Variants in RUBCNL observed in about 807,000 individuals in gnomAD.
RUBCNL encodes protein associated with UVRAG as autophagy enhancer.
RUBCNL carries 62 observed loss-of-function variants against 69.5 expected under a neutral mutation model. That is an observed-to-expected ratio of 0.89 (90% CI 0.73 to 1.10). The LOEUF is 1.10. Among genes scored for constraint, RUBCNL ranks in the 50% least tolerant of loss-of-function variants. The probability of loss-of-function intolerance (pLI) is 0.00; values close to 1 mark genes in which losing one functional copy is unlikely to be tolerated. For missense variants in RUBCNL, 768 were observed against 798.1 expected, an observed-to-expected ratio of 0.96 and a Z score of 0.45; for synonymous variants, 291 against 303.6, an observed-to-expected ratio of 0.96 and a Z score of 0.43.
In RUBCNL at chr13:46,338,929, C is replaced by T. The variant is rs1351307910; in HGVS notation, c.*4456G>A. The stretch of plus-strand genomic sequence containing the variant: ...GGGCATGGTGGCACATGCCTGTGGT[C>T]CCAGCTACTAGGGAAGCTGAGGCAG... On this transcript the variant is annotated 3_prime_UTR_variant, in exon 15 of 15. Coordinates refer to ENST00000429979, the MANE Select transcript of RUBCNL (RefSeq NM_025113.5). 2.6e-5 allele frequency among the ~76,000 whole-genome samples: 4 copies of T among 152,024 alleles called. No homozygotes were observed. Among genetic ancestry groups the T allele is most frequent in the Non-Finnish European group, 5.9e-5 (4 of 68,008 alleles).
At position 46,368,085 on chromosome 13, in the gene RUBCNL, C is replaced by G; in HGVS notation, c.783G>C (p.Lys261Asn). The G allele has an allele frequency of 1.2e-6, 2 of 1,613,950 alleles. No homozygotes were observed. The highest frequency in any genetic ancestry group is 2.7e-5 in the African/African-American group (2 of 75,044). The change falls in exon 5 of 15, where the codon AAG becomes AAC. Residue 261 changes from lysine (K) to asparagine (N), a missense_variant. By Grantham distance (94) the Lys-to-Asn change is moderately conservative. Transcript: ENST00000429979. ...DSEMTFDTNI[K>N]QESGSSTSSY... Reference sequence around the variant, plus strand: ...AAGAAGTAGAAGACCCAGACTCTTGCTTTATGTTGGTATCAAAAGTCATTT... The same window carrying G: ...AAGAAGTAGAAGACCCAGACTCTTGGTTTATGTTGGTATCAAAAGTCATTT...
rs190969247 is a variant in RUBCNL at position 46,341,221 on chromosome 13, A to G, written c.*2164T>C. 6.6e-5 allele frequency among the ~76,000 whole-genome samples: 10 copies of G among 152,350 alleles called. No individual in the cohort carries two copies. Among genetic ancestry groups the G allele is most frequent in the Admixed American group, 2.6e-4 (4 of 15,304 alleles). ...AATCACTGACCTTTACAGCACTGCAACTGATGCCTCACAGTGGGTAATGGT... is the reference window on the plus strand; with the variant it reads ...AATCACTGACCTTTACAGCACTGCAGCTGATGCCTCACAGTGGGTAATGGT... On this transcript the variant is annotated 3_prime_UTR_variant, in exon 15 of 15. Transcript: ENST00000429979.
At position 46,359,027 on chromosome 13, in the gene RUBCNL, C is replaced by T. The variant is rs574325963; in HGVS notation, c.1265+459G>A. ...AGCGAGGTGGCTCACACCTGTAATC[C>T]CAGCACTTTGGGAGGCTGAGGTGGG... On this transcript the variant is annotated intron_variant, in intron 9 of 14. Coordinates refer to ENST00000429979, the MANE Select transcript of RUBCNL (RefSeq NM_025113.5). 4.6e-5 allele frequency among the ~76,000 whole-genome samples: 7 copies of T among 152,044 alleles called. No homozygotes were observed. The East Asian group carries it at 9.7e-4, about 21-fold the overall frequency.
chr13:46,370,449 C>G (rs1594169654), intron 3 of RUBCNL, among the ~76,000 whole-genome samples: 1 of 152,236 alleles, frequency 6.6e-6, no homozygotes, highest in East Asian at 1.9e-4. Context: ...GGCTGTTTTC[C>G]CTATTGCTGC....
rs932489094 is a variant in RUBCNL at position 46,372,612 on chromosome 13, G to T, written c.-122-15C>A. ...GGAGAGCTATTCTGCAATGAGCAAG[G>T]AATCATTCAAAATAAGTAAGAATTC... On this transcript the variant is annotated splice_polypyrimidine_tract_variant and intron_variant, in intron 2 of 14. Transcript: ENST00000429979. 3.9e-5 allele frequency: 56 copies of T among 1,432,106 alleles called. No individual in the cohort carries two copies. The highest frequency in any genetic ancestry group is 5.1e-5 in the Non-Finnish European group (56 of 1,096,244). 88.7% of individuals were successfully genotyped at this position (1,432,106 alleles called of 1,614,324 possible). A position where few individuals can be genotyped will look rare whatever the true frequency, so the allele number is the denominator to read the frequency against.
chr13:46,359,332 G>A (rs1392411158), intron 9 of RUBCNL, among the ~76,000 whole-genome samples, 154 bp downstream of exon 9: 1 of 150,450 alleles, frequency 6.6e-6, no homozygotes, highest in Non-Finnish European at 1.5e-5. Context: ...AAAAACCTAA[G>A]CCAGAAAATA....
At chr13:46,349,576 G>A (rs1251354588) in intron 11 of RUBCNL, among the ~76,000 whole-genome samples, 1 of 152,100 alleles carries the variant, frequency 6.6e-6, no homozygotes, top group African/African-American at 2.4e-5. Context: ...ACAGAACTTT[G>A]GGGCCTTCTT....
In RUBCNL at chr13:46,338,126, G is replaced by A. The variant is rs1414605851; in HGVS notation, c.*5259C>T. ...CGGGAGGGAGATGAAAAGGGGAAGCGCCCACCACTCCCATCTGCAGAGCCC... is the reference window on the plus strand; with the variant it reads ...CGGGAGGGAGATGAAAAGGGGAAGCACCCACCACTCCCATCTGCAGAGCCC... On this transcript the variant is annotated 3_prime_UTR_variant, in exon 15 of 15. Coordinates refer to ENST00000429979, the MANE Select transcript of RUBCNL (RefSeq NM_025113.5). Among the ~76,000 whole-genome samples, 9 of 152,080 alleles carry A rather than the reference G, an allele frequency of 5.9e-5. No homozygotes were observed. The highest frequency in any genetic ancestry group is 2.0e-4 in the Admixed American group (3 of 15,266).
intron 1 of RUBCNL, among the ~76,000 whole-genome samples, chr13:46,385,624 G>T (rs553034520): frequency 5.2e-4 from 78 of 149,284 alleles, no homozygotes; most frequent in Admixed American, 1.1e-3. Context: ...AGCAAGCAAT[G>T]CAGCCTTTCT....
intron 2 of RUBCNL, among the ~76,000 whole-genome samples, chr13:46,376,642 AC>A (rs1185957969): frequency 6.6e-6 from 1 of 152,218 alleles, no homozygotes; most frequent in Non-Finnish European, 1.5e-5. Context: ...ATGCCCAAAC[AC>A]AGAAGCCTAG....
chr13:46,387,206 G>A lies in RUBCNL; in HGVS notation c.-311C>T, dbSNP rs1020201374. 4.1e-6 allele frequency: 4 copies of A among 985,228 alleles called. No homozygotes were observed. In the East Asian group the frequency reaches 4.6e-4, roughly 112 times the overall value. The allele number at this position is 985,228 out of a possible 1,614,324, so 61.0% of individuals were successfully genotyped here. On this transcript the variant is annotated 5_prime_UTR_variant, in exon 1 of 15. Coordinates refer to ENST00000429979, the MANE Select transcript of RUBCNL (RefSeq NM_025113.5). ...GTCGGGTCCTCCCTCGCGCGGCTCC[G>A]GGCAGCGTTCCGTGGCCACCGCGCT...
chr13:46,356,002 G>T (rs1422546022), intron 10 of RUBCNL, among the ~76,000 whole-genome samples: 1 of 152,186 alleles, frequency 6.6e-6, no homozygotes, highest in East Asian at 1.9e-4. Context: ...CCAGCAGTGG[G>T]GCAAGACAGG....
intron 5 of RUBCNL, among the ~76,000 whole-genome samples, chr13:46,363,461 C>T (rs2048678055): frequency 6.6e-6 from 1 of 152,060 alleles, no homozygotes; most frequent in Non-Finnish European, 1.5e-5. Context: ...TATCTGCAGT[C>T]CATCCAATGT....
Position 46,372,056 on chromosome 13 carries a change from T to C in RUBCNL, c.420A>G (p.Gly140=). 6.2e-7 allele frequency: 1 copy of C among 1,613,948 alleles called. No homozygotes were observed. ...TGGGCAGAGACACCCGATGAGAGTA[T>C]CCTGGGCGGACCATGTGTACCTCTG... The part of the protein sequence containing the change: ...SSTEVHMVRP[G]YSHRVSLPTS... The change falls in exon 3 of 15, where the codon GGA becomes GGG. Residue 140 remains glycine (G), a synonymous_variant. Transcript: ENST00000429979.
rs752692064 is a variant in RUBCNL at position 46,335,254 on chromosome 13, GTTGTTGTTT to G, written c.*8122_*8130del. Among the ~76,000 whole-genome samples the G allele has an allele frequency of 2.1e-4, 23 of 107,238 alleles. No homozygotes were observed. The East Asian group carries it at 4.8e-3, about 23-fold the overall frequency. The allele number at this position is 107,238 out of a possible 152,430, so 70.4% of individuals were successfully genotyped here. ...TAATTTGTGTCTTTTTGTTGTTGTT[GTTGTTGTTT>G]TTTTTTTTTTTTTTTTTTTTTTAAG... On this transcript the variant is annotated 3_prime_UTR_variant, in exon 15 of 15. Transcript: ENST00000429979.
chr13:46,349,652 G>C (rs944210718), intron 11 of RUBCNL, among the ~76,000 whole-genome samples: 4 of 151,890 alleles, frequency 2.6e-5, no homozygotes, highest in Middle Eastern at 3.4e-3. Flanking sequence ...GTGCAGGAGA[G>C]GGGCTCCAAA....
chr13:46,365,128 G>A (rs2048721188), intron 5 of RUBCNL, among the ~76,000 whole-genome samples: 1 of 151,592 alleles, frequency 6.6e-6, no homozygotes, highest in African/African-American at 2.4e-5. Context: ...CATGGTGAAA[G>A]CTCGTCTCTA....
rs534858703 is a variant in RUBCNL, at chr13:46,363,932, TTAA to T, written c.827-722_827-720del. Reference sequence around the variant, plus strand: ...AGTAGTATGAATAGTATTAATACTATTAATAATACTGATAATAGCATTAATAAT... The same window carrying T: ...AGTAGTATGAATAGTATTAATACTATTAATACTGATAATAGCATTAATAAT... On this transcript the variant is annotated intron_variant, in intron 5 of 14. Transcript: ENST00000429979. 1.9e-3 allele frequency among the ~76,000 whole-genome samples: 286 copies of T among 149,714 alleles called. 2 individuals carry two copies. Among genetic ancestry groups the T allele is most frequent in the African/African-American group, 6.4e-3 (261 of 40,784 alleles).
At chr13:46,373,780 C>G (rs1032103665) in intron 2 of RUBCNL, among the ~76,000 whole-genome samples, 1 of 152,244 alleles carries the variant, frequency 6.6e-6, no homozygotes, top group African/African-American at 2.4e-5. Flanking sequence ...AATACCATTG[C>G]TGTGCATGCA....
Sources: gnomAD v4.1 joint callset for allele counts (sites outside exome capture counted in the v4.1 genomes callset) on GRCh38, gnomAD v4.1.1 for gene constraint, MANE v1.5 for transcripts, NCBI Gene and HGNC (gene_info 2026-07-23, HGNC 2026-07-21) for gene names.